Variants in COL1A2 observed in about 807,000 individuals in gnomAD.
COL1A2 encodes the protein collagen alpha-2(I) chain.
A neutral mutation model predicts 174.3 loss-of-function variants in COL1A2; 49 were observed. The observed-to-expected ratio is 0.28, with a 90% CI of 0.22 to 0.36. The LOEUF (loss-of-function observed/expected upper bound fraction) is 0.36. Ranked by LOEUF, COL1A2 falls within the 10% of genes least tolerant of loss-of-function variation. The pLI is 1.00. For synonymous variants in COL1A2, 655 were observed against 606.6 expected (o/e 1.08, Z -1.17); for missense variants, 1,438 against 1,822.7 (o/e 0.79, Z 3.84).
At position 94,406,255 on chromosome 7, in the gene COL1A2, C is replaced by T; in HGVS notation, c.546C>T (p.His182=). The change falls in exon 12 of 52, where the codon CAC becomes CAT. Residue 182 remains histidine (H), a synonymous_variant. Coordinates refer to ENST00000297268, the MANE Select transcript of COL1A2 (RefSeq NM_000089.4). ...TAATAAGGCTTTCCTTTCAGGGACA[C>T]AATGGTCTGGATGGATTGAAGGGAC... ...GLPGFKGIRG[H]NGLDGLKGQP... is the part of the protein sequence containing the mutation. 6.2e-7 allele frequency: 1 copy of T among 1,613,768 alleles called. No homozygotes were observed.
chr7:94,408,736 G>A (rs1161355819), intron 15 of COL1A2, 34 bp from the exon 16 acceptor site: 3 of 1,612,148 alleles, frequency 1.9e-6, no homozygotes, highest in South Asian at 2.2e-5. Context: ...TTTACTTGGA[G>A]GAAATTTCTT....
intron 46 of COL1A2, 194 bp from the exon 47 acceptor site, chr7:94,426,814 C>A: frequency 1.6e-6 from 1 of 637,858 alleles, no homozygotes; most frequent in African/African-American, 1.8e-5. Context: ...TAATATTGCA[C>A]TGCTGAAATA....
Position 94,400,249 on chromosome 7 carries a change from T to G in COL1A2, c.186T>G (p.Pro62=). ...RDGEDGPTGP[P]GPPGPPGPPG... is the part of the protein sequence containing the mutation. ...GTGAAGATGGTCCCACAGGCCCTCC[T>G]GGTCCACCTGGTCCTCCTGGCCCCC... The change falls in exon 5 of 52, where the codon CCT becomes CCG. Residue 62 remains proline, a synonymous_variant. Transcript: ENST00000297268. 1 of 1,613,046 alleles carries G rather than the reference T, an allele frequency of 6.2e-7. No individual in the cohort carries two copies. Among genetic ancestry groups the G allele is most frequent in the South Asian group, 1.1e-5 (1 of 91,012 alleles).
chr7:94,424,809 A>C, intron 41 of COL1A2: 1 of 474,596 alleles, frequency 2.1e-6, no homozygotes, highest in East Asian at 4.1e-5. Context: ...ACGTGACAAC[A>C]ACTAGAAACC....
intron 6 of COL1A2, 31 bp downstream of exon 6, chr7:94,401,651 A>T: frequency 1.3e-6 from 2 of 1,533,640 alleles, no homozygotes; most frequent in Non-Finnish European, 1.8e-6. Flanking sequence ...TAGCCAAAAA[A>T]ATTGCTAAAT....
At chr7:94,395,625 C>T (rs907422245) in intron 1 of COL1A2, 1 of 224,626 alleles carries the variant, frequency 4.5e-6, no homozygotes, top group Non-Finnish European at 8.8e-6. Flanking sequence ...GGTTATAAGG[C>T]GCCCTCTGGA....
At position 94,418,510 on chromosome 7, in the gene COL1A2, T is replaced by A. The variant is rs1209022388; in HGVS notation, c.1983T>A (p.Gly661=). Residue 661 remains glycine (G), a synonymous_variant, in exon 33 of 52, where the codon GGT becomes GGA. Coordinates refer to ENST00000297268, the MANE Select transcript of COL1A2 (RefSeq NM_000089.4). ...CTTTATACTTTCAGGGTGAACCTGG[T>A]CTCAGAGGTGAAATTGGTAACCCTG... is the stretch of plus-strand genomic sequence containing the variant. ...PGGKGEKGEP[G]LRGEIGNPGR... is the part of the protein sequence containing the mutation. The A allele has an allele frequency of 4.3e-6, 7 of 1,613,976 alleles. No homozygotes were observed. In the Admixed American group the frequency reaches 5.0e-5, roughly 12 times the overall value.
Position 94,406,413 on chromosome 7 carries a change from AT to A in COL1A2, c.594+118del, listed in dbSNP as rs193922172. On this transcript the variant is annotated intron_variant, in intron 12 of 51. Coordinates refer to ENST00000297268, the MANE Select transcript of COL1A2 (RefSeq NM_000089.4). The stretch of plus-strand genomic sequence containing the variant: ...TACCCATATTACAAAAAGTATTTTT[AT>A]TTTTTTTCTTTCCTGTACTTCAAAT... 0.039 allele frequency: 39,234 copies of A among 1,015,118 alleles called. 1,074 individuals carry two copies. The highest frequency in any genetic ancestry group is 0.047 in the Non-Finnish European group (31,355 of 663,042). 62.9% of individuals were successfully genotyped at this position (1,015,118 alleles called of 1,614,324 possible).
intron 5 of COL1A2, 152 bp downstream of exon 5, chr7:94,400,440 G>T (rs537712245): frequency 5.2e-6 from 4 of 770,320 alleles, no homozygotes; most frequent in Non-Finnish European, 8.6e-6. Flanking sequence ...TCAAGATTCT[G>T]CTTTACCCAT....
chr7:94,422,177 C>T (rs1270118722), intron 39 of COL1A2: 16 of 415,844 alleles, frequency 3.8e-5, no homozygotes, highest in Admixed American at 8.0e-5. Context: ...AGTCCCCTTT[C>T]AGGGGCATGG....
At chr7:94,421,444 C>A in intron 38 of COL1A2, 1 of 387,370 alleles carries the variant, frequency 2.6e-6, no homozygotes, top group Non-Finnish European at 4.8e-6. Context: ...TTACTGACTT[C>A]TTCTCTCACT....
chr7:94,420,208 A>G, intron 34 of COL1A2, 25 bp from the exon 35 acceptor site: 1 of 1,612,812 alleles, frequency 6.2e-7, no homozygotes. Flanking sequence ...GCACATTAAC[A>G]GATTCATCTT....
intron 6 of COL1A2, among the ~76,000 whole-genome samples, chr7:94,403,996 C>T (rs559811787): frequency 1.3e-5 from 2 of 152,210 alleles, no homozygotes; most frequent in East Asian, 3.9e-4. Context: ...TTTTCCTTCA[C>T]CCCTCATTAC....
chr7:94,415,647 T>C (rs1792025051), intron 30 of COL1A2, among the ~76,000 whole-genome samples: 1 of 152,156 alleles, frequency 6.6e-6, no homozygotes, highest in South Asian at 2.1e-4. Flanking sequence ...AAGCCGAACT[T>C]ATGAGTAGTC....
intron 34 of COL1A2, 77 bp downstream of exon 34, chr7:94,419,628 A>G: frequency 1.3e-6 from 2 of 1,488,614 alleles, no homozygotes; most frequent in Admixed American, 3.4e-5. Flanking sequence ...AGCCCCAGCA[A>G]TTCATTTTTA....
rs72658158 is a variant in COL1A2 at position 94,419,498 on chromosome 7, G to A, written c.2026G>A (p.Gly676Ser). 2 of 1,613,978 alleles carry A rather than the reference G, an allele frequency of 1.2e-6. No individual in the cohort carries two copies. The highest frequency in any genetic ancestry group is 1.7e-6 in the Non-Finnish European group (2 of 1,179,980). ...IGNPGRDGAR[G>S]APGAVGAPGP... ...AGACATGTTTCCTTTTTGGTACTAG[G>A]GTGCTCCTGGTGCTGTAGGTGCCCC... is the stretch of plus-strand genomic sequence containing the variant. Residue 676 changes from glycine to serine, a missense_variant and splice_region_variant, in exon 34 of 52, where the codon GGT becomes AGT. By Grantham distance (56) the Gly-to-Ser change is moderately conservative. This residue lies in a region of COL1A2 where 867 missense variants were observed against 1,213.7 expected (regional missense o/e 0.71). Transcript: ENST00000297268.
At chr7:94,414,340 C>A in intron 29 of COL1A2, 65 bp downstream of exon 29, 1 of 1,327,248 alleles carries the variant, frequency 7.5e-7, no homozygotes, top group Non-Finnish European at 1.1e-6. Context: ...TGTTTAATAC[C>A]CCACTGCTAT....
In COL1A2 at chr7:94,404,695, C is replaced by T. The variant is rs748328216; in HGVS notation, c.327C>T (p.Gly109=). The T allele has an allele frequency of 6.2e-7, 1 of 1,614,066 alleles. No homozygotes were observed. The highest frequency in any genetic ancestry group is 8.5e-7 in the Non-Finnish European group (1 of 1,179,996). ...ATGACATTCTTTTTTTCTTTTAGGGCCCTCAAGGTTTCCAAGGACCTGCTG... is the reference window on the plus strand; with the variant it reads ...ATGACATTCTTTTTTTCTTTTAGGGTCCTCAAGGTTTCCAAGGACCTGCTG... ...RGPPGAAGAP[G]PQGFQGPAGE... The change falls in exon 8 of 52, where the codon GGC becomes GGT. Residue 109 remains glycine (G), a splice_region_variant and synonymous_variant. Transcript: ENST00000297268.
chr7:94,400,484 G>A (rs1791668334), intron 5 of COL1A2, among the ~76,000 whole-genome samples, 196 bp downstream of exon 5: 1 of 151,930 alleles, frequency 6.6e-6, no homozygotes, highest in African/African-American at 2.4e-5. Context: ...TACAGGACTG[G>A]TCTTTGTGTG....
Sources: gnomAD v4.1 joint callset for allele counts (sites outside exome capture counted in the v4.1 genomes callset) on GRCh38, gnomAD v4.1.1 for gene constraint, gnomAD v4.1.1 regional missense constraint, MANE v1.5 for transcripts, NCBI Gene and HGNC (gene_info 2026-07-23, HGNC 2026-07-21) for gene names.